MYRIP: variants seen among roughly 807,000 people sequenced by gnomAD.
MYRIP encodes the protein rab effector MyRIP.
Under a neutral mutation model 98.0 loss-of-function variants are expected in MYRIP, and 49 were observed. The ratio of observed to expected loss-of-function variants is 0.50; its 90% confidence interval spans 0.40 to 0.63. The LOEUF (loss-of-function observed/expected upper bound fraction) is 0.63, where lower values mean the gene tolerates loss of function less well. Among genes scored for constraint, MYRIP ranks in the 30% least tolerant of loss-of-function variants. The pLI is 0.00. For missense variants in MYRIP, 1,004 were observed against 1,058.2 expected, an observed-to-expected ratio of 0.95 and a Z score of 0.71; for synonymous variants, 404 against 409.5, an observed-to-expected ratio of 0.99 and a Z score of 0.16.
At chr3:39,814,073 A>T (rs1215544184) in intron 1 of MYRIP, among the ~76,000 whole-genome samples, 1 of 152,228 alleles carries the variant, frequency 6.6e-6, no homozygotes, top group Non-Finnish European at 1.5e-5. Context: ...TACAAGGAAT[A>T]TCCTTGACAA....
intron 2 of MYRIP, among the ~76,000 whole-genome samples, chr3:40,038,399 A>T (rs944090085): frequency 6.6e-6 from 1 of 152,090 alleles, no homozygotes; most frequent in African/African-American, 2.4e-5. Flanking sequence ...AATAATAAAG[A>T]TAAGACTGGA....
At chr3:39,971,270 T>C (rs1017444397) in intron 2 of MYRIP, among the ~76,000 whole-genome samples, 2 of 151,986 alleles carry the variant, frequency 1.3e-5, no homozygotes, top group African/African-American at 2.4e-5. Flanking sequence ...TATATTATGT[T>C]TTTGTAAATT....
intron 3 of MYRIP, among the ~76,000 whole-genome samples, chr3:40,082,780 G>GAA (rs1948506610): frequency 6.6e-6 from 1 of 152,330 alleles, no homozygotes; most frequent in Admixed American, 6.5e-5. Flanking sequence ...GAAATGGCAT[G>GAA]TGTAATGGAT....
chr3:40,190,439 G>A lies in MYRIP; in HGVS notation c.1641G>A (p.Gln547=). ...PSKEPSSPSA[Q]LRDLDTHQVS... Reference sequence around the variant, plus strand: ...AAGAACCATCTTCCCCCAGCGCCCAGCTCCGGGATCTAGACACACATCAGG... The same window carrying A: ...AAGAACCATCTTCCCCCAGCGCCCAACTCCGGGATCTAGACACACATCAGG... Residue 547 remains glutamine, a synonymous_variant, in exon 10 of 17, where the codon CAG becomes CAA. Transcript: ENST00000302541. 1.2e-6 allele frequency: 2 copies of A among 1,600,382 alleles called. No individual in the cohort carries two copies. Among genetic ancestry groups the A allele is most frequent in the African/African-American group, 1.3e-5 (1 of 74,330 alleles).
intron 3 of MYRIP, among the ~76,000 whole-genome samples, chr3:40,090,044 G>A (rs1011095103): frequency 1.3e-5 from 2 of 151,298 alleles, no homozygotes; most frequent in South Asian, 4.2e-4. Context: ...ATCTAGTGTG[G>A]TGTTACTGGA....
intron 3 of MYRIP, among the ~76,000 whole-genome samples, chr3:40,138,056 G>A (rs537102085): frequency 6.6e-6 from 1 of 152,236 alleles, no homozygotes; most frequent in East Asian, 1.9e-4. Context: ...TTCTCCCTAG[G>A]GAAATGGAGC....
intron 1 of MYRIP, among the ~76,000 whole-genome samples, chr3:39,876,669 C>G (rs1468462191): frequency 6.6e-6 from 1 of 151,898 alleles, no homozygotes; most frequent in East Asian, 1.9e-4. Context: ...GAATATTGGC[C>G]CCCACTCTCT....
chr3:39,975,092 G>C (rs1213735090), intron 2 of MYRIP, among the ~76,000 whole-genome samples: 1 of 152,190 alleles, frequency 6.6e-6, no homozygotes, highest in Non-Finnish European at 1.5e-5. Context: ...TTAGGAAAAA[G>C]AGGAAGTCAA....
At chr3:40,085,378 C>T (rs1333090864) in intron 3 of MYRIP, among the ~76,000 whole-genome samples, 2 of 152,160 alleles carry the variant, frequency 1.3e-5, no homozygotes, top group African/African-American at 4.8e-5. Flanking sequence ...CCTCCATCTC[C>T]CCGGTCAAGT....
chr3:39,977,841 G>T (rs1945793712), intron 2 of MYRIP, among the ~76,000 whole-genome samples: 1 of 152,040 alleles, frequency 6.6e-6, no homozygotes, highest in South Asian at 2.1e-4. Flanking sequence ...TCCTGAGATG[G>T]TCAGTGCTGG....
At chr3:40,087,651 A>T (rs554760643) in intron 3 of MYRIP, among the ~76,000 whole-genome samples, 1 of 152,182 alleles carries the variant, frequency 6.6e-6, no homozygotes, top group African/African-American at 2.4e-5. Context: ...GCCGATTTCC[A>T]CTATGTAAAT....
intron 11 of MYRIP, among the ~76,000 whole-genome samples, chr3:40,213,812 G>A (rs943083393): frequency 7.2e-5 from 11 of 152,142 alleles, no homozygotes; most frequent in African/African-American, 2.7e-4. Flanking sequence ...GGAAGTGCCA[G>A]AGAAATACCA....
chr3:40,152,133 G>A (rs58083835), intron 4 of MYRIP, among the ~76,000 whole-genome samples: 1,598 of 152,264 alleles, frequency 0.01, 20 homozygotes, highest in African/African-American at 0.024. Context: ...GAGCAGTGCC[G>A]AAGGTTTCCA....
chr3:39,900,759 T>A, intron 1 of MYRIP, 28 bp from the exon 2 acceptor site: 1 of 1,248,646 alleles, frequency 8.0e-7, no homozygotes, highest in South Asian at 1.3e-5. Context: ...AGAGATTTTA[T>A]CTTGCTTGTA....
At chr3:39,993,599 C>G (rs186302450) in intron 2 of MYRIP, among the ~76,000 whole-genome samples, 1 of 152,346 alleles carries the variant, frequency 6.6e-6, no homozygotes, top group Non-Finnish European at 1.5e-5. Flanking sequence ...CATGCCTTCT[C>G]TCTCCTCAAT....
At chr3:39,917,898 T>C (rs912022715) in intron 2 of MYRIP, among the ~76,000 whole-genome samples, 1 of 152,020 alleles carries the variant, frequency 6.6e-6, no homozygotes, top group Admixed American at 6.6e-5. Flanking sequence ...CCTCCAAAAC[T>C]TCTCCACTTT....
chr3:40,055,966 C>T (rs1947878265), intron 3 of MYRIP, among the ~76,000 whole-genome samples: 1 of 152,130 alleles, frequency 6.6e-6, no homozygotes, highest in African/African-American at 2.4e-5. Context: ...TGATTATTAG[C>T]ATTCACATAA....
At chr3:39,873,054 AT>A (rs1381393816) in intron 1 of MYRIP, among the ~76,000 whole-genome samples, 2 of 152,074 alleles carry the variant, frequency 1.3e-5, no homozygotes, top group Non-Finnish European at 2.9e-5. Flanking sequence ...ATGATATCTC[AT>A]TGTGGTTTTG....
intron 4 of MYRIP, among the ~76,000 whole-genome samples, chr3:40,155,883 T>C (rs1413749363): frequency 2.0e-5 from 3 of 151,190 alleles, no homozygotes; most frequent in African/African-American, 7.2e-5. Context: ...TTGTAGATTC[T>C]GGATATTAGC....
Sources: allele counts gnomAD v4.1 joint callset (sites outside exome capture counted in the v4.1 genomes callset), GRCh38; gene constraint gnomAD v4.1.1; transcripts MANE v1.5; gene names NCBI Gene and HGNC (gene_info 2026-07-23, HGNC 2026-07-21).